The following POLD1 variants were observed in gnomAD, a reference collection of about 807,000 sequenced individuals.
POLD1 encodes the protein DNA polymerase delta 1, catalytic subunit.
Under a neutral mutation model 129.7 loss-of-function variants are expected in POLD1, and 79 were observed. The ratio of observed to expected loss-of-function variants is 0.61; its 90% confidence interval spans 0.51 to 0.73. POLD1 has a LOEUF of 0.73. Ranked by LOEUF, POLD1 falls within the 30% of genes least tolerant of loss-of-function variation. The pLI is 0.00. For synonymous variants in POLD1, 714 were observed against 683.3 expected, an observed-to-expected ratio of 1.04 and a Z score of -0.70; for missense variants, 1,338 against 1,595.8, an observed-to-expected ratio of 0.84 and a Z score of 2.75.
Position 50,403,580 on chromosome 19 carries a change from C to T in POLD1, c.1225C>T (p.Arg409Trp), listed in dbSNP as rs778135510. Residue 409 changes from arginine to tryptophan, a missense_variant, in exon 10 of 27, where the codon CGG becomes TGG. Physicochemically the swap from Arg to Trp is moderately radical, Grantham distance 101. Transcript: ENST00000440232. ...QNFDLPYLIS[R>W]AQTLKVQTFP... The stretch of plus-strand genomic sequence containing the variant: ...CTTCGACCTTCCGTACCTCATCTCT[C>T]GGGCCCAGACCCTCAAGGTGAGGGC... The T allele has an allele frequency of 2.5e-6, 4 of 1,611,928 alleles. No individual in the cohort carries two copies. Among genetic ancestry groups the T allele is most frequent in the Admixed American group, 1.7e-5 (1 of 60,000 alleles).
chr19:50,384,802 T>C (rs3219288), intron 1 of POLD1, among the ~76,000 whole-genome samples: 462 of 152,306 alleles, frequency 3.0e-3, no homozygotes, highest in African/African-American at 0.01. Context: ...TGATGAGTTT[T>C]AATAGATCAG....
At chr19:50,415,037 C>T in intron 20 of POLD1, 47 bp downstream of exon 20, 1 of 1,440,162 alleles carries the variant, frequency 6.9e-7, no homozygotes, top group Non-Finnish European at 9.2e-7. Flanking sequence ...GGCCCCAAAC[C>T]CCTCCTCCCT....
At chr19:50,408,708 G>A in intron 14 of POLD1, 77 bp from the exon 15 acceptor site, 2 of 1,566,198 alleles carry the variant, frequency 1.3e-6, no homozygotes, top group Non-Finnish European at 1.7e-6. Context: ...TTTTTAAAGG[G>A]TGAGGCCACA....
chr19:50,389,609 C>T (rs537548383), intron 1 of POLD1, among the ~76,000 whole-genome samples: 2 of 149,824 alleles, frequency 1.3e-5, no homozygotes, highest in African/African-American at 5.0e-5. Flanking sequence ...TTTTCCAAGA[C>T]TGAGTCTTGC....
At position 50,409,058 on chromosome 19, in the gene POLD1, G is replaced by C; in HGVS notation, c.1893-64G>C. 1.4e-6 allele frequency: 2 copies of C among 1,381,842 alleles called. No individual in the cohort carries two copies. The highest frequency in any genetic ancestry group is 1.0e-6 in the Non-Finnish European group (1 of 973,440). 85.6% of individuals were successfully genotyped at this position (1,381,842 alleles called of 1,614,324 possible). A position where few individuals can be genotyped will look rare whatever the true frequency, so the allele number is the denominator to read the frequency against. ...TGTGCTCATGGCCAAGGCCAGGACC[G>C]TAGGGCAGAGGTGGGCTGGAGCAGG... is the stretch of plus-strand genomic sequence containing the variant. On this transcript the variant is annotated intron_variant, in intron 15 of 26. Coordinates refer to ENST00000440232, the MANE Select transcript of POLD1 (RefSeq NM_002691.4). This position sits in a 1 kb window ranked among gnomAD's most constrained non-coding sequence, Gnocchi z 5.8.
rs536609903 is a variant in POLD1 at position 50,389,221 on chromosome 19, C to T, written c.-2+4831C>T. ...CAGCTCACTGCAGCCTCGACCTCCC[C>T]AGGCTCAGCTGATCCTCAGCCTCTC... On this transcript the variant is annotated intron_variant, in intron 1 of 26. Coordinates refer to ENST00000440232, the MANE Select transcript of POLD1 (RefSeq NM_002691.4). Among the ~76,000 whole-genome samples the T allele has an allele frequency of 1.1e-3, 163 of 151,860 alleles. 1 individual carries two copies. Among genetic ancestry groups the T allele is most frequent in the Non-Finnish European group, 2.2e-3 (148 of 67,962 alleles).
intron 19 of POLD1, 148 bp from the exon 20 acceptor site, chr19:50,414,667 T>A: frequency 1.8e-6 from 1 of 567,574 alleles, no homozygotes; most frequent in Non-Finnish European, 2.9e-6. Context: ...CCATACAGTG[T>A]CTCGGTCCAT....
At chr19:50,408,574 G>T in intron 14 of POLD1, 1 of 694,160 alleles carries the variant, frequency 1.4e-6, no homozygotes, top group South Asian at 2.0e-5. Context: ...GTAGAGATAG[G>T]GTTTTGCCAT....
intron 3 of POLD1, among the ~76,000 whole-genome samples, chr19:50,399,854 G>T (rs1412697019): frequency 6.6e-6 from 1 of 152,120 alleles, no homozygotes; most frequent in East Asian, 1.9e-4. Flanking sequence ...TTGCCCTGTT[G>T]CCCAGGCTGG....
chr19:50,394,392 C>T lies in POLD1; in HGVS notation c.-1-4459C>T, dbSNP rs959546893. Among the ~76,000 whole-genome samples the T allele has an allele frequency of 2.0e-5, 3 of 152,114 alleles. No homozygotes were observed. In the East Asian group the frequency reaches 5.8e-4, roughly 29 times the overall value. ...CAAAGCCGGGCGCGGTGGCTCACAC[C>T]CATAATCCCAGCACTTTGGGAGGCC... On this transcript the variant is annotated intron_variant, in intron 1 of 26. Transcript: ENST00000440232.
chr19:50,417,272 GTGTGCCA>G lies in POLD1; in HGVS notation c.3218+7_3218+13del, dbSNP rs1064795670. 1.3e-6 allele frequency: 2 copies of G among 1,584,088 alleles called. No homozygotes were observed. Among genetic ancestry groups the G allele is most frequent in the Non-Finnish European group, 1.7e-6 (2 of 1,167,810 alleles). Reference sequence around the variant, plus strand: ...CACGAGGACGTCATCTGCACCAGGTGTGTGCCATGTCCCGACCCTGGGCTGCCCCGCC... The same window carrying G: ...CACGAGGACGTCATCTGCACCAGGTGTGTCCCGACCCTGGGCTGCCCCGCC... On this transcript the variant is annotated splice_donor_5th_base_variant and intron_variant, in intron 26 of 26. Coordinates refer to ENST00000440232, the MANE Select transcript of POLD1 (RefSeq NM_002691.4).
Position 50,409,062 on chromosome 19 carries a change from G to A in POLD1, c.1893-60G>A, listed in dbSNP as rs185246113. 7,108 of 1,390,346 alleles carry A rather than the reference G, an allele frequency of 5.1e-3. 22 individuals are homozygous for A. Among genetic ancestry groups the A allele is most frequent in the Non-Finnish European group, 6.5e-3 (6,413 of 980,120 alleles). 86.1% of individuals were successfully genotyped at this position (1,390,346 alleles called of 1,614,324 possible). On this transcript the variant is annotated intron_variant, in intron 15 of 26. Coordinates refer to ENST00000440232, the MANE Select transcript of POLD1 (RefSeq NM_002691.4). This position sits in a 1 kb window ranked among gnomAD's most constrained non-coding sequence, Gnocchi z 5.8. The stretch of plus-strand genomic sequence containing the variant: ...CTCATGGCCAAGGCCAGGACCGTAG[G>A]GCAGAGGTGGGCTGGAGCAGGAGGG...
chr19:50,390,235 CTTTT>C (rs113095533), intron 1 of POLD1, among the ~76,000 whole-genome samples: 4 of 142,802 alleles, frequency 2.8e-5, no homozygotes, highest in Admixed American at 2.1e-4. Flanking sequence ...CTTTTCTTTT[CTTTT>C]TTTTTTTTCA....
intron 4 of POLD1, 31 bp from the exon 5 acceptor site, chr19:50,401,968 C>G: frequency 6.2e-7 from 1 of 1,614,152 alleles, no homozygotes; most frequent in Non-Finnish European, 8.5e-7. Context: ...ACTGGAGCCC[C>G]CTGCACCTCT....
rs2122377619 is a variant in POLD1 at position 50,409,216 on chromosome 19, C to T, written c.1987C>T (p.Leu663=). 6.2e-7 allele frequency: 1 copy of T among 1,611,346 alleles called. No individual in the cohort carries two copies. The highest frequency in any genetic ancestry group is 8.5e-7 in the Non-Finnish European group (1 of 1,177,634). ...GCTGCTGCCCCAGATCCTGGAGAAC[C>T]TGCTCAGTGCCCGGAAGAGGTGAGC... ...KGLLPQILEN[L]LSARKRAKAE... is the part of the protein sequence containing the mutation. Residue 663 remains leucine, a synonymous_variant, in exon 16 of 27, where the codon CTG becomes TTG. Coordinates refer to ENST00000440232, the MANE Select transcript of POLD1 (RefSeq NM_002691.4). The surrounding 1 kb of genome is among the most constrained non-coding windows in gnomAD (Gnocchi z 5.8).
rs769673888 is a variant in POLD1, at chr19:50,414,855, C to CAA, written c.2429_2430insAA (p.Gly811ArgfsTer78). On this transcript the variant is annotated frameshift_variant, in exon 20 of 27. Transcript: ENST00000440232. LOFTEE classifies it high-confidence loss of function. ...CTGCTTATCAGCAAGAAGCGCTACG[C>CAA]GGGCCTGCTCTTCTCCTCCCGGCCC... 1 of 1,598,564 alleles carries CAA rather than the reference C, an allele frequency of 6.3e-7. No homozygotes were observed. Among genetic ancestry groups the CAA allele is most frequent in the Admixed American group, 1.7e-5 (1 of 58,708 alleles).
At chr19:50,395,549 A>G (rs2038327000) in intron 1 of POLD1, among the ~76,000 whole-genome samples, 1 of 151,042 alleles carries the variant, frequency 6.6e-6, no homozygotes, top group Non-Finnish European at 1.5e-5. Flanking sequence ...GCGCCACCGC[A>G]CTCCAGCCTG....
At chr19:50,415,013 G>T in intron 20 of POLD1, 23 bp downstream of exon 20, 1 of 1,507,086 alleles carries the variant, frequency 6.6e-7, no homozygotes, top group Admixed American at 2.1e-5. Context: ...TCCTCCCTCA[G>T]ACTCAGGGGG....
chr19:50,416,622 C>G lies in POLD1; in HGVS notation c.2966C>G (p.Thr989Arg), dbSNP rs866317622. The change falls in exon 24 of 27, where the codon ACG becomes AGG. Residue 989 changes from threonine to arginine, a missense_variant. Thr to Arg is a moderately conservative substitution (Grantham distance 71, BLOSUM62 -1). Transcript: ENST00000440232. ...AEAVLLRGDHTRCKTVLTGKV... is the reference protein window; with the variant it reads ...AEAVLLRGDHRRCKTVLTGKV... ...TCCTCTCCTGCAGGGGGGGACCACA[C>G]GCGCTGCAAGACGGTGCTCACGGGC... is the stretch of plus-strand genomic sequence containing the variant. 6.4e-7 allele frequency: 1 copy of G among 1,563,314 alleles called. No individual in the cohort carries two copies. The highest frequency in any genetic ancestry group is 8.6e-7 in the Non-Finnish European group (1 of 1,158,208).
Sources: allele counts gnomAD v4.1 joint callset (sites outside exome capture counted in the v4.1 genomes callset), GRCh38; gene constraint gnomAD v4.1.1; non-coding constraint Gnocchi (gnomAD v3.1); transcripts MANE v1.5; gene names NCBI Gene and HGNC (gene_info 2026-07-23, HGNC 2026-07-21).